The following RAD23B variants were observed in gnomAD, a reference collection of about 807,000 sequenced individuals.
The protein encoded by RAD23B is lysine-specific demethylase RAD23B.
Under a neutral mutation model 49.1 loss-of-function variants are expected in RAD23B, and 5 were observed. That is an observed-to-expected ratio of 0.10 (90% CI 0.05 to 0.21). The LOEUF (loss-of-function observed/expected upper bound fraction) is 0.21. RAD23B is among the 10% of genes least tolerant of loss of function. The probability of loss-of-function intolerance (pLI) is 1.00; values close to 1 mark genes in which losing one functional copy is unlikely to be tolerated. For missense variants in RAD23B, 356 were observed against 486.7 expected, an observed-to-expected ratio of 0.73 and a Z score of 2.53; for synonymous variants, 184 against 165.4, an observed-to-expected ratio of 1.11 and a Z score of -0.86.
intron 1 of RAD23B, among the ~76,000 whole-genome samples, chr9:107,290,782 G>A (rs190504059): frequency 2.6e-4 from 39 of 152,238 alleles, no homozygotes; most frequent in African/African-American, 9.1e-4. Context: ...TTCTTTAAAA[G>A]GTTTGTATGA....
chr9:107,284,863 C>A (rs781428030), intron 1 of RAD23B: 5 of 1,238,010 alleles, frequency 4.0e-6, no homozygotes, highest in Non-Finnish European at 5.4e-6. Flanking sequence ...TAGTTTCATT[C>A]TCTGTATAAT....
intron 5 of RAD23B, among the ~76,000 whole-genome samples, chr9:107,316,645 G>T (rs189013068): frequency 6.6e-6 from 1 of 152,074 alleles, no homozygotes; most frequent in Admixed American, 6.5e-5. Context: ...TAATCTGTTT[G>T]TGATATTTGG....
chr9:107,302,753 T>C (rs1413503378), intron 3 of RAD23B, among the ~76,000 whole-genome samples: 1 of 151,958 alleles, frequency 6.6e-6, no homozygotes, highest in Non-Finnish European at 1.5e-5. Flanking sequence ...TCTCCCGGGT[T>C]CATGCCATTC....
intron 1 of RAD23B, among the ~76,000 whole-genome samples, chr9:107,295,664 T>C (rs1418454204): frequency 6.6e-6 from 1 of 152,200 alleles, no homozygotes; most frequent in Non-Finnish European, 1.5e-5. Context: ...AGAAGAGGGC[T>C]AACTAGGGGG....
At chr9:107,286,908 T>TA (rs541092064) in intron 1 of RAD23B, among the ~76,000 whole-genome samples, 9 of 151,610 alleles carry the variant, frequency 5.9e-5, no homozygotes, top group African/African-American at 1.5e-4. Context: ...CCGTCTCTAC[T>TA]AAAAAAAATA....
intron 1 of RAD23B, chr9:107,283,930 A>C: frequency 9.5e-7 from 1 of 1,053,064 alleles, no homozygotes; most frequent in Non-Finnish European, 1.2e-6. Context: ...GCCTGGTGGC[A>C]GATGGCGTGG....
intron 2 of RAD23B, among the ~76,000 whole-genome samples, chr9:107,300,506 A>T (rs1181471401): frequency 2.0e-5 from 3 of 150,632 alleles, no homozygotes; most frequent in East Asian, 3.9e-4. Flanking sequence ...TTTTTTTTTT[A>T]AATTGAATTG....
Position 107,306,555 on chromosome 9 carries a change from T to C in RAD23B, c.405T>C (p.Ser135=). The C allele has an allele frequency of 3.7e-6, 6 of 1,614,088 alleles. No homozygotes were observed. The highest frequency in any genetic ancestry group is 5.1e-6 in the Non-Finnish European group (6 of 1,180,020). ...CTCCAGCATCAGCGACAGCATCTTC[T>C]GAACCTGCACCTGCTAGTGCAGCTA... ...SITPASATAS[S]EPAPASAAKQ... is the part of the protein sequence containing the mutation. The change falls in exon 4 of 10, where the codon TCT becomes TCC. Residue 135 remains serine, a synonymous_variant. Coordinates refer to ENST00000358015, the MANE Select transcript of RAD23B (RefSeq NM_002874.5).
chr9:107,283,480 G>T lies in RAD23B; in HGVS notation c.-150G>T. On this transcript the variant is annotated 5_prime_UTR_variant, in exon 1 of 10. Transcript: ENST00000358015. ...CACGGGCTGGGGGAGAGGCCGCTCC[G>T]CTGGGCGAATGTGACAAGCCCCCAC... 1.9e-6 allele frequency: 1 copy of T among 523,500 alleles called. No homozygotes were observed. Among genetic ancestry groups the T allele is most frequent in the Non-Finnish European group, 3.1e-6 (1 of 317,478 alleles). The allele number at this position is 523,500 out of a possible 1,614,324, so 32.4% of individuals were successfully genotyped here. A position where few individuals can be genotyped will look rare whatever the true frequency, so the allele number is the denominator to read the frequency against.
At chr9:107,294,452 G>A (rs189252088) in intron 1 of RAD23B, among the ~76,000 whole-genome samples, 1 of 152,274 alleles carries the variant, frequency 6.6e-6, no homozygotes, top group Admixed American at 6.5e-5. Context: ...TTACTGGAAT[G>A]GGAGCATTGG....
At chr9:107,288,430 G>A (rs1160652431) in intron 1 of RAD23B, among the ~76,000 whole-genome samples, 4 of 152,048 alleles carry the variant, frequency 2.6e-5, no homozygotes, top group Non-Finnish European at 5.9e-5. Flanking sequence ...TTCACTGGGT[G>A]GCTACATTTT....
intron 3 of RAD23B, among the ~76,000 whole-genome samples, chr9:107,304,161 A>G (rs537499470): frequency 1.3e-5 from 2 of 152,344 alleles, no homozygotes; most frequent in African/African-American, 4.8e-5. Context: ...AAGCAAGAAT[A>G]AAAACTAAAA....
chr9:107,296,566 C>CT lies in RAD23B; in HGVS notation c.67-3564dup, dbSNP rs113179056. On this transcript the variant is annotated intron_variant, in intron 1 of 9. Transcript: ENST00000358015. ...ACAGTTTTGTGCCTTGTCTCTCTCT[C>CT]TTTTTTTTTTTCTTTTTCTTGAGAC... Among the ~76,000 whole-genome samples the CT allele has an allele frequency of 8.4e-4, 119 of 142,226 alleles. 1 individual carries two copies. In the East Asian group the frequency reaches 0.01, roughly 12 times the overall value. 93.3% of individuals were successfully genotyped at this position (142,226 alleles called of 152,430 possible). A position where few individuals can be genotyped will look rare whatever the true frequency, so the allele number is the denominator to read the frequency against.
At chr9:107,303,844 A>G (rs938209070) in intron 3 of RAD23B, among the ~76,000 whole-genome samples, 1 of 152,198 alleles carries the variant, frequency 6.6e-6, no homozygotes, top group Admixed American at 6.5e-5. Context: ...TTCTTTTAAT[A>G]TTACAGTGAT....
At chr9:107,327,833 G>A (rs1044262056) in intron 9 of RAD23B, among the ~76,000 whole-genome samples, 4 of 152,020 alleles carry the variant, frequency 2.6e-5, no homozygotes, top group Admixed American at 2.6e-4. Context: ...CTCTATTATT[G>A]TTAATTGCCA....
At chr9:107,298,942 A>G (rs1269404237) in intron 1 of RAD23B, among the ~76,000 whole-genome samples, 1 of 152,154 alleles carries the variant, frequency 6.6e-6, no homozygotes, top group Non-Finnish European at 1.5e-5. Context: ...GAACATCAGA[A>G]TAGCAGTGAT....
Position 107,293,174 on chromosome 9 carries a change from C to T in RAD23B, c.67-6967C>T, listed in dbSNP as rs539109677. On this transcript the variant is annotated intron_variant, in intron 1 of 9. Transcript: ENST00000358015. ...CCTCATGACATTGTGGCTGGCTTCT[C>T]CCAGTGTTAGTGATCCAAGAGAGCA... 3.9e-5 allele frequency among the ~76,000 whole-genome samples: 6 copies of T among 151,938 alleles called. No individual in the cohort carries two copies. The South Asian group carries it at 1.0e-3, about 26-fold the overall frequency.
At chr9:107,317,603 C>G (rs1303023719) in intron 5 of RAD23B, among the ~76,000 whole-genome samples, 1 of 151,836 alleles carries the variant, frequency 6.6e-6, no homozygotes, top group Admixed American at 6.6e-5. Context: ...TAGTTAACTA[C>G]TGACCCAGGA....
intron 6 of RAD23B, among the ~76,000 whole-genome samples, chr9:107,319,117 A>ATTTT (rs1564250819): frequency 8.1e-6 from 1 of 122,726 alleles, no homozygotes; most frequent in South Asian, 2.6e-4. Context: ...CAGAACAAAA[A>ATTTT]TTTCTTTTTT....
Sources: gnomAD v4.1 joint callset for allele counts (sites outside exome capture counted in the v4.1 genomes callset) on GRCh38, gnomAD v4.1.1 for gene constraint, MANE v1.5 for transcripts, NCBI Gene and HGNC (gene_info 2026-07-23, HGNC 2026-07-21) for gene names.